CNNM1: variants seen among roughly 807,000 people sequenced by gnomAD.
CNNM1 encodes the protein metal transporter CNNM1.
A neutral mutation model predicts 78.8 loss-of-function variants in CNNM1; 44 were observed. The observed-to-expected ratio is 0.56, with a 90% CI of 0.44 to 0.72. The LOEUF (loss-of-function observed/expected upper bound fraction) is 0.72, where lower values mean the gene tolerates loss of function less well. Among genes scored for constraint, CNNM1 ranks in the 30% least tolerant of loss-of-function variants. CNNM1 has a pLI of 0.00. For missense variants in CNNM1, 1,101 were observed against 1,292.2 expected, an observed-to-expected ratio of 0.85 and a Z score of 2.27; for synonymous variants, 584 against 581.5, an observed-to-expected ratio of 1.00 and a Z score of -0.06.
At chr10:99,330,986 C>A (rs1476273175) in intron 1 of CNNM1, 26 bp downstream of exon 1, 1 of 1,580,634 alleles carries the variant, frequency 6.3e-7, no homozygotes, top group Non-Finnish European at 8.6e-7. Flanking sequence ...TCTTCTCCCC[C>A]AACTCCTATC....
At chr10:99,331,028 G>A (rs1381935883) in intron 1 of CNNM1, 68 bp downstream of exon 1, 23 of 1,467,034 alleles carry the variant, frequency 1.6e-5, no homozygotes, top group Admixed American at 2.0e-5. Flanking sequence ...TCCTAACCAC[G>A]TGAGGCTCTA....
chr10:99,390,287 C>T lies in CNNM1; in HGVS notation c.2675-19C>T, dbSNP rs112459388. 2.5e-6 allele frequency: 4 copies of T among 1,570,634 alleles called. No individual in the cohort carries two copies. The highest frequency in any genetic ancestry group is 2.7e-5 in the African/African-American group (2 of 74,230). ...TGTGTAGGTTGAGACAACTTGAGTT[C>T]TCTCCTTTCCTTTCTCAGCATCAGA... On this transcript the variant is annotated intron_variant, in intron 9 of 10. Transcript: ENST00000356713.
At chr10:99,347,675 A>C (rs1025543746) in intron 1 of CNNM1, among the ~76,000 whole-genome samples, 4 of 151,312 alleles carry the variant, frequency 2.6e-5, no homozygotes, top group African/African-American at 9.7e-5. Context: ...TGGCTCTATC[A>C]CATTGGCACC....
chr10:99,357,529 A>G lies in CNNM1; in HGVS notation c.1591A>G (p.Ile531Val), dbSNP rs1589900483. 4 of 1,613,238 alleles carry G rather than the reference A, an allele frequency of 2.5e-6. No individual in the cohort carries two copies. Among genetic ancestry groups the G allele is most frequent in the Non-Finnish European group, 3.4e-6 (4 of 1,179,638 alleles). The change falls in exon 2 of 11, where the codon ATT (isoleucine) becomes GTT (valine). Residue 531 changes from isoleucine to valine, a missense_variant. Around this residue, in one of 3 missense-constraint regions of CNNM1, gnomAD observed 277 missense variants for 423.2 expected, o/e 0.65. Coordinates refer to ENST00000356713, the MANE Select transcript of CNNM1 (RefSeq NM_020348.3). ...TTCTCTAGGAAAATCTCACCTGGCC[A>G]TTGTCCAGCGGGTGAATAATGAGGG... The part of the protein sequence containing the change: ...EFKKGKSHLA[I>V]VQRVNNEGEG...
chr10:99,354,950 T>A (rs1450669193), intron 1 of CNNM1, among the ~76,000 whole-genome samples: 1 of 152,088 alleles, frequency 6.6e-6, no homozygotes, highest in Non-Finnish European at 1.5e-5. Context: ...AGAAGGAGGC[T>A]GAAGGTTAGG....
At chr10:99,369,977 T>A (rs2031747267) in intron 6 of CNNM1, among the ~76,000 whole-genome samples, 2 of 152,190 alleles carry the variant, frequency 1.3e-5, no homozygotes, top group Non-Finnish European at 2.9e-5. Context: ...TAAAAGACTT[T>A]CAGCCCAAAA....
At chr10:99,337,728 T>G (rs948271192) in intron 1 of CNNM1, among the ~76,000 whole-genome samples, 5 of 152,228 alleles carry the variant, frequency 3.3e-5, no homozygotes, top group African/African-American at 1.2e-4. Context: ...CTTATCTGTC[T>G]TTGTAGCTCC....
At chr10:99,352,998 A>G (rs1340364586) in intron 1 of CNNM1, among the ~76,000 whole-genome samples, 1 of 147,226 alleles carries the variant, frequency 6.8e-6, no homozygotes, top group African/African-American at 2.5e-5. Flanking sequence ...TTTTTAGTTC[A>G]CTTTTATGTA....
At chr10:99,370,474 T>C (rs79790741) in intron 6 of CNNM1, among the ~76,000 whole-genome samples, 6,596 of 152,226 alleles carry the variant, frequency 0.043, 154 homozygotes, top group East Asian at 0.088. Context: ...CACTGTGCCT[T>C]CCCAGTGATC....
chr10:99,381,706 G>A (rs1312983509), intron 7 of CNNM1, among the ~76,000 whole-genome samples: 3 of 150,488 alleles, frequency 2.0e-5, no homozygotes, highest in African/African-American at 7.4e-5. Flanking sequence ...CGGCGCCACT[G>A]CACTCCAGCC....
intron 6 of CNNM1, among the ~76,000 whole-genome samples, chr10:99,367,510 C>T (rs753096565): frequency 6.6e-6 from 1 of 152,042 alleles, no homozygotes; most frequent in African/African-American, 2.4e-5. Flanking sequence ...AAGAACAGGT[C>T]TCCTGTCTGT....
At position 99,394,206 on chromosome 10, in the gene CNNM1, A is replaced by AC. The variant is rs2032555478; in HGVS notation, c.*2694dup. 1 of 151,880 alleles carries AC rather than the reference A, an allele frequency of 6.6e-6. No individual in the cohort carries two copies. The highest frequency in any genetic ancestry group is 6.6e-5 in the Admixed American group (1 of 15,168). The allele number at this position is 151,880 out of a possible 1,614,324, so 9.4% of individuals were successfully genotyped here. Reference sequence around the variant, plus strand: ...ACCACTCCCCTCCCTATATACCCCCACCCCACAAAGATTTTCTTCAGGTTA... The same window carrying AC: ...ACCACTCCCCTCCCTATATACCCCCACCCCCACAAAGATTTTCTTCAGGTTA... On this transcript the variant is annotated 3_prime_UTR_variant, in exon 11 of 11. Coordinates refer to ENST00000356713, the MANE Select transcript of CNNM1 (RefSeq NM_020348.3).
In CNNM1 at chr10:99,329,731, G is replaced by A; in HGVS notation, c.344G>A (p.Gly115Asp). Reference protein sequence around the residue: ...RLVFIEEPPGGGGVAPSAVPT... With the variant: ...RLVFIEEPPGDGGVAPSAVPT... ...GTGTTCATCGAGGAGCCCCCGGGCG[G>A]TGGCGGCGTGGCCCCCAGCGCGGTC... The change falls in exon 1 of 11, where the codon GGT becomes GAT. Residue 115 changes from glycine to aspartate, a missense_variant. By Grantham distance (94) the Gly-to-Asp change is moderately conservative (BLOSUM62 -1). Transcript: ENST00000356713. 2 of 1,512,150 alleles carry A rather than the reference G, an allele frequency of 1.3e-6. No homozygotes were observed. Among genetic ancestry groups the A allele is most frequent in the Admixed American group, 4.1e-5 (2 of 48,544 alleles). 93.7% of individuals were successfully genotyped at this position (1,512,150 alleles called of 1,614,324 possible).
chr10:99,340,876 T>TCCTGCCTGCCTGCCTGCCTGCCTG (rs562170205), intron 1 of CNNM1, among the ~76,000 whole-genome samples: 2,520 of 138,202 alleles, frequency 0.018, 55 homozygotes, highest in African/African-American at 0.047. Flanking sequence ...CTTCCTTCCT[T>TCCTGCCTGCCTGCCTGCCTGCCTG]CCTGCCTGCC....
rs1364242737 is a variant in CNNM1, at chr10:99,330,390, G to C, written c.1003G>C (p.Val335Leu). 21 of 1,594,240 alleles carry C rather than the reference G, an allele frequency of 1.3e-5. No individual in the cohort carries two copies. The highest frequency in any genetic ancestry group is 1.8e-5 in the Non-Finnish European group (21 of 1,171,576). The change falls in exon 1 of 11, where the codon GTA becomes CTA. Residue 335 changes from valine to leucine, a missense_variant. Around this residue, in one of 3 missense-constraint regions of CNNM1, gnomAD observed 476 missense variants for 484.5 expected, o/e 0.98. Transcript: ENST00000356713. Reference protein sequence around the residue: ...WLPALVCTGAVFLGAEICPYS... With the variant: ...WLPALVCTGALFLGAEICPYS... ...GCCGGCGCTCGTGTGCACCGGCGCG[G>C]TATTCCTGGGCGCCGAAATCTGCCC...
intron 1 of CNNM1, among the ~76,000 whole-genome samples, chr10:99,350,332 A>T (rs915931528): frequency 6.6e-6 from 1 of 152,226 alleles, no homozygotes; most frequent in Non-Finnish European, 1.5e-5. Context: ...GATTTTGCTT[A>T]GTTCTCTATT....
Position 99,377,103 on chromosome 10 carries a change from C to T in CNNM1, c.2225C>T (p.Pro742Leu). ...RCSGLNRSES[P>L]NRERSDFGGS... ...AGTGGGTTGAATCGCTCTGAGTCTC[C>T]AAACCGAGAGCGCAGTGACTTTGGG... Residue 742 changes from proline to leucine, a missense_variant, in exon 7 of 11, where the codon CCA becomes CTA. This residue lies in a region of CNNM1 where 348 missense variants were observed against 384.5 expected (regional missense o/e 0.90). Coordinates refer to ENST00000356713, the MANE Select transcript of CNNM1 (RefSeq NM_020348.3). 6.3e-7 allele frequency: 1 copy of T among 1,598,982 alleles called. No homozygotes were observed. The highest frequency in any genetic ancestry group is 8.5e-7 in the Non-Finnish European group (1 of 1,172,834).
At chr10:99,379,861 A>T (rs1373263867) in intron 7 of CNNM1, among the ~76,000 whole-genome samples, 1 of 152,104 alleles carries the variant, frequency 6.6e-6, no homozygotes, top group Non-Finnish European at 1.5e-5. Context: ...TGTGTGGCTT[A>T]AACAACAGAT....
chr10:99,360,074 AC>A (rs943113923), intron 2 of CNNM1, among the ~76,000 whole-genome samples: 10 of 152,324 alleles, frequency 6.6e-5, no homozygotes, highest in African/African-American at 2.2e-4. Flanking sequence ...CTTGGGAGGT[AC>A]CAGACCCTGC....
Sources: allele counts gnomAD v4.1 joint callset (sites outside exome capture counted in the v4.1 genomes callset), GRCh38; gene constraint gnomAD v4.1.1; regional missense constraint gnomAD v4.1.1; transcripts MANE v1.5; gene names NCBI Gene and HGNC (gene_info 2026-07-23, HGNC 2026-07-21).